CTNNA3: variants seen among roughly 807,000 people sequenced by gnomAD.
The protein encoded by CTNNA3 is catenin alpha 3, also known as catenin alpha-3.
In CTNNA3, 76 loss-of-function variants were observed where a neutral mutation model predicts 95.7. That is an observed-to-expected ratio of 0.79 (90% CI 0.66 to 0.96). CTNNA3 has a LOEUF of 0.96. Among genes scored for constraint, CTNNA3 ranks in the 40% least tolerant of loss-of-function variants. The pLI, the probability that CTNNA3 is intolerant of heterozygous loss-of-function variation, is 0.00. For synonymous variants in CTNNA3, 431 were observed against 374.4 expected, an observed-to-expected ratio of 1.15 and a Z score of -1.74; for missense variants, 1,191 against 1,089.8, an observed-to-expected ratio of 1.09 and a Z score of -1.31.
chr10:66,532,932 C>T (rs1841520867), intron 10 of CTNNA3, among the ~76,000 whole-genome samples: 1 of 151,992 alleles, frequency 6.6e-6, no homozygotes, highest in Admixed American at 6.6e-5. Flanking sequence ...TATTAATATC[C>T]TTGACCTAGT....
At chr10:67,462,894 G>T (rs745908592) in intron 5 of CTNNA3, among the ~76,000 whole-genome samples, 26 of 151,054 alleles carry the variant, frequency 1.7e-4, no homozygotes, top group Non-Finnish European at 2.4e-4. Flanking sequence ...TTTCTGCAAG[G>T]ATTTTTTTTC....
At chr10:67,239,928 G>GA (rs1014614740) in intron 5 of CTNNA3, among the ~76,000 whole-genome samples, 1 of 152,146 alleles carries the variant, frequency 6.6e-6, no homozygotes, top group Non-Finnish European at 1.5e-5. Flanking sequence ...CTGACCATCA[G>GA]AAAAAGCAAA....
intron 11 of CTNNA3, among the ~76,000 whole-genome samples, chr10:66,509,077 G>A (rs1384925949): frequency 1.3e-5 from 2 of 151,924 alleles, no homozygotes; most frequent in Non-Finnish European, 2.9e-5. Flanking sequence ...TTGATAATAG[G>A]AATTCTGACT....
chr10:67,382,035 A>AT (rs1554829882), intron 5 of CTNNA3, among the ~76,000 whole-genome samples: 1 of 152,122 alleles, frequency 6.6e-6, no homozygotes, highest in Non-Finnish European at 1.5e-5. Context: ...AATCAAAAAG[A>AT]TTTTTTTCCA....
intron 7 of CTNNA3, among the ~76,000 whole-genome samples, chr10:66,982,156 GGCAGTTTGAACA>G (rs1486930853): frequency 6.6e-6 from 1 of 152,158 alleles, no homozygotes; most frequent in Non-Finnish European, 1.5e-5. Flanking sequence ...TTTGCATTCT[GGCAGTTTGAACA>G]GCAGAGTTAT....
At chr10:66,960,957 C>G (rs941022981) in intron 7 of CTNNA3, among the ~76,000 whole-genome samples, 1 of 151,996 alleles carries the variant, frequency 6.6e-6, no homozygotes, top group Non-Finnish European at 1.5e-5. Flanking sequence ...CACAAGGGAT[C>G]CTTTCTGAGA....
chr10:66,010,779 C>T (rs1413439631), intron 15 of CTNNA3, among the ~76,000 whole-genome samples: 1 of 151,662 alleles, frequency 6.6e-6, no homozygotes, highest in African/African-American at 2.4e-5. Flanking sequence ...TTGGTGAAAA[C>T]TGCAGAGGTT....
intron 13 of CTNNA3, among the ~76,000 whole-genome samples, chr10:66,258,477 G>GT (rs1442295545): frequency 6.6e-6 from 1 of 152,146 alleles, no homozygotes; most frequent in African/African-American, 2.4e-5. Context: ...GCCCTCCAGG[G>GT]AAGTGAGGAA....
chr10:66,714,880 T>A (rs1031257623), intron 9 of CTNNA3, among the ~76,000 whole-genome samples: 1 of 152,184 alleles, frequency 6.6e-6, no homozygotes, highest in Non-Finnish European at 1.5e-5. Context: ...TTCTGAAGGA[T>A]AAAAGCCAAG....
chr10:66,355,699 A>G (rs1375312009), intron 12 of CTNNA3, among the ~76,000 whole-genome samples: 1 of 150,454 alleles, frequency 6.6e-6, no homozygotes, highest in African/African-American at 2.4e-5. Flanking sequence ...AGTGCCTTTC[A>G]CAGAGGATTT....
chr10:66,704,699 A>T (rs890398682), intron 9 of CTNNA3, among the ~76,000 whole-genome samples: 1 of 152,160 alleles, frequency 6.6e-6, no homozygotes, highest in East Asian at 1.9e-4. Context: ...CACCAGTCAC[A>T]TGAAGTCATG....
At chr10:66,127,453 T>C (rs751418969) in intron 13 of CTNNA3, among the ~76,000 whole-genome samples, 3 of 152,016 alleles carry the variant, frequency 2.0e-5, no homozygotes, top group Non-Finnish European at 4.4e-5. Flanking sequence ...AGACTAATCA[T>C]AAGGACAAAC....
intron 5 of CTNNA3, among the ~76,000 whole-genome samples, chr10:67,459,878 T>G (rs1031784051): frequency 6.6e-6 from 1 of 152,168 alleles, no homozygotes; most frequent in African/African-American, 2.4e-5. Context: ...GAATCTACAC[T>G]AAAACCAAGC....
At chr10:66,401,690 G>C (rs1330713389) in intron 11 of CTNNA3, among the ~76,000 whole-genome samples, 1 of 110,678 alleles carries the variant, frequency 9.0e-6, no homozygotes, top group East Asian at 2.9e-4. Context: ...ATGGAGTCTT[G>C]CACTGTTACA....
chr10:67,673,067 G>A (rs934294981), intron 1 of CTNNA3, among the ~76,000 whole-genome samples: 14 of 151,578 alleles, frequency 9.2e-5, no homozygotes, highest in Admixed American at 3.9e-4. Flanking sequence ...CCTTGAAGAG[G>A]TCCTTCACAT....
intron 5 of CTNNA3, among the ~76,000 whole-genome samples, chr10:67,465,933 A>C (rs1312691253): frequency 2.0e-5 from 3 of 152,186 alleles, no homozygotes; most frequent in African/African-American, 7.2e-5. Flanking sequence ...CAATTTGTAT[A>C]GTATTTTCAC....
intron 11 of CTNNA3, among the ~76,000 whole-genome samples, chr10:66,397,552 T>C (rs2092988933): frequency 6.6e-6 from 1 of 151,858 alleles, no homozygotes; most frequent in Admixed American, 6.6e-5. Context: ...AATGATATAT[T>C]CATTTTAATG....
At chr10:66,547,347 C>CTTTTT (rs1296263060) in intron 10 of CTNNA3, among the ~76,000 whole-genome samples, 1 of 109,284 alleles carries the variant, frequency 9.2e-6, no homozygotes. Context: ...TTCTTTCTTT[C>CTTTTT]TTTTTTTTTT....
intron 6 of CTNNA3, among the ~76,000 whole-genome samples, chr10:67,188,139 T>G (rs1862949401): frequency 6.6e-6 from 1 of 152,180 alleles, no homozygotes; most frequent in African/African-American, 2.4e-5. Flanking sequence ...AAAAGAGTAG[T>G]TAGTTAAGCA....
Sources: gnomAD v4.1 joint callset for allele counts (sites outside exome capture counted in the v4.1 genomes callset) on GRCh38, gnomAD v4.1.1 for gene constraint, MANE v1.5 for transcripts, NCBI Gene and HGNC (gene_info 2026-07-23, HGNC 2026-07-21) for gene names.